The following ROBO2 variants were observed in gnomAD, a reference collection of about 807,000 sequenced individuals.
The protein encoded by ROBO2 is roundabout guidance receptor 2.
ROBO2 carries 53 observed loss-of-function variants against 160.8 expected under a neutral mutation model. The observed-to-expected ratio is 0.33, with a 90% CI of 0.26 to 0.41. The LOEUF is 0.41. Ranked by LOEUF, ROBO2 falls within the 10% of genes least tolerant of loss-of-function variation. The pLI is 1.00. For missense variants in ROBO2, 1,577 were observed against 1,722.4 expected, an observed-to-expected ratio of 0.92 and a Z score of 1.49; for synonymous variants, 664 against 611.7, an observed-to-expected ratio of 1.09 and a Z score of -1.26.
intron 2 of ROBO2, among the ~76,000 whole-genome samples, chr3:76,118,846 G>A (rs1338767677): frequency 6.6e-6 from 1 of 152,092 alleles, no homozygotes; most frequent in Non-Finnish European, 1.5e-5. Context: ...CATCAGTAAT[G>A]GTATTAACAA....
intron 6 of ROBO2, among the ~76,000 whole-genome samples, chr3:77,542,421 C>T (rs775767): frequency 0.61 from 92,157 of 151,970 alleles, 28,246 homozygotes; most frequent in Admixed American, 0.7. Context: ...ATTTTAGTTC[C>T]AGCAAGATCA....
intron 2 of ROBO2, among the ~76,000 whole-genome samples, chr3:77,146,676 G>A (rs1437715410): frequency 6.6e-6 from 1 of 151,784 alleles, no homozygotes; most frequent in East Asian, 1.9e-4. Flanking sequence ...GTGTAAAAAG[G>A]CCAAGATTTG....
At chr3:76,903,783 C>T (rs1013347093) in intron 2 of ROBO2, among the ~76,000 whole-genome samples, 5 of 152,108 alleles carry the variant, frequency 3.3e-5, no homozygotes, top group African/African-American at 1.2e-4. Flanking sequence ...TAGCCATTTG[C>T]TTCTTCTTTT....
intron 2 of ROBO2, among the ~76,000 whole-genome samples, chr3:76,964,071 G>A (rs1464452008): frequency 2.0e-5 from 3 of 152,014 alleles, no homozygotes; most frequent in East Asian, 1.9e-4. Flanking sequence ...AACTTTAAGC[G>A]TGAATAACAG....
At chr3:76,401,073 T>G (rs1278985221) in intron 2 of ROBO2, among the ~76,000 whole-genome samples, 1 of 151,514 alleles carries the variant, frequency 6.6e-6, no homozygotes, top group Admixed American at 6.6e-5. Flanking sequence ...GTCAAAATAA[T>G]GAGATAGGAA....
At chr3:76,502,737 G>T (rs2107654996) in intron 2 of ROBO2, among the ~76,000 whole-genome samples, 1 of 152,174 alleles carries the variant, frequency 6.6e-6, no homozygotes, top group Non-Finnish European at 1.5e-5. Context: ...GAAATCTTGT[G>T]ATGATTTGAA....
chr3:77,053,929 G>C (rs1159615867), intron 1 of ROBO2, among the ~76,000 whole-genome samples: 2 of 152,162 alleles, frequency 1.3e-5, no homozygotes, highest in African/African-American at 4.8e-5. Context: ...CCAGTTTAAA[G>C]GTCATGCGAT....
At chr3:77,327,647 A>G (rs1329079205) in intron 2 of ROBO2, among the ~76,000 whole-genome samples, 2 of 152,214 alleles carry the variant, frequency 1.3e-5, no homozygotes, top group East Asian at 3.9e-4. Context: ...GCCAAGCCCA[A>G]CTGAAGATAG....
intron 6 of ROBO2, among the ~76,000 whole-genome samples, chr3:77,542,178 C>G (rs1261345132): frequency 1.3e-5 from 2 of 152,084 alleles, no homozygotes; most frequent in East Asian, 1.9e-4. Flanking sequence ...TTTAAAACCT[C>G]AAAAATAAAT....
exon 1 of ROBO2, chr3:77,040,555 A>G (rs1248532865): frequency 5.7e-6 from 8 of 1,407,586 alleles, no homozygotes; most frequent in Non-Finnish European, 7.4e-6. Context: ...GAGTGCTGGA[A>G]ATACAGCAGC....
intron 2 of ROBO2, among the ~76,000 whole-genome samples, chr3:76,835,683 G>T (rs2067626723): frequency 6.6e-6 from 1 of 151,434 alleles, no homozygotes; most frequent in Non-Finnish European, 1.5e-5. Flanking sequence ...TTAAATTCAG[G>T]GTTTTTCACA....
At chr3:77,329,237 T>C (rs1037164489) in intron 2 of ROBO2, among the ~76,000 whole-genome samples, 5 of 152,182 alleles carry the variant, frequency 3.3e-5, no homozygotes, top group African/African-American at 1.2e-4. Context: ...AAAAGAGGAA[T>C]GAAGCAATGG....
At chr3:76,775,761 C>T (rs2062210322) in intron 2 of ROBO2, among the ~76,000 whole-genome samples, 1 of 150,350 alleles carries the variant, frequency 6.7e-6, no homozygotes, top group African/African-American at 2.4e-5. Flanking sequence ...TTCACTCTTA[C>T]TAAGCCTTCA....
chr3:75,909,475 A>C (rs1217493215), intron 1 of ROBO2, among the ~76,000 whole-genome samples: 1 of 152,218 alleles, frequency 6.6e-6, no homozygotes, highest in Non-Finnish European at 1.5e-5. Context: ...GGAACTAAGT[A>C]TGTTATACAC....
chr3:77,149,077 C>T (rs1230889595), intron 2 of ROBO2, among the ~76,000 whole-genome samples: 2 of 150,150 alleles, frequency 1.3e-5, no homozygotes, highest in Admixed American at 1.3e-4. Context: ...GCACTGTCAC[C>T]CAGGCTGGAG....
chr3:76,307,376 C>T, intron 2 of ROBO2, among the ~76,000 whole-genome samples: 1 of 152,288 alleles, frequency 6.6e-6, no homozygotes, highest in Middle Eastern at 3.4e-3. Context: ...TGCAGTCTTC[C>T]TAACCATTCT....
At chr3:77,061,529 T>C (rs1000438487) in intron 1 of ROBO2, among the ~76,000 whole-genome samples, 3 of 152,218 alleles carry the variant, frequency 2.0e-5, no homozygotes, top group Admixed American at 6.5e-5. Flanking sequence ...GAGTGGTTTT[T>C]GAAATCAGTA....
intron 2 of ROBO2, among the ~76,000 whole-genome samples, chr3:77,158,579 A>G (rs2078216592): frequency 6.6e-6 from 1 of 152,056 alleles, no homozygotes; most frequent in African/African-American, 2.4e-5. Context: ...ATACCTCTCT[A>G]GCTCTTGCAA....
chr3:76,895,845 A>G (rs2074727033), intron 2 of ROBO2, among the ~76,000 whole-genome samples: 1 of 152,126 alleles, frequency 6.6e-6, no homozygotes, highest in Non-Finnish European at 1.5e-5. Context: ...GGCAGCTCTA[A>G]TTCTCCCAAG....
Sources: gnomAD v4.1 joint callset for allele counts (sites outside exome capture counted in the v4.1 genomes callset) on GRCh38, gnomAD v4.1.1 for gene constraint, MANE v1.5 for transcripts, NCBI Gene and HGNC (gene_info 2026-07-23, HGNC 2026-07-21) for gene names.